The following CDKL1 variants were observed in gnomAD, a reference collection of about 807,000 sequenced individuals.
The protein encoded by CDKL1 is cyclin-dependent kinase-like 1.
A neutral mutation model predicts 42.0 loss-of-function variants in CDKL1; 41 were observed. The observed-to-expected ratio is 0.98, with a 90% CI of 0.76 to 1.27. The LOEUF (loss-of-function observed/expected upper bound fraction) is 1.27, where lower values mean the gene tolerates loss of function less well. CDKL1 is among the 50% of genes most tolerant of loss of function. The pLI, the probability that CDKL1 is intolerant of heterozygous loss-of-function variation, is 0.00. For missense variants in CDKL1, 394 were observed against 428.4 expected (o/e 0.92, Z 0.71); for synonymous variants, 153 against 158.6 (o/e 0.96, Z 0.26).
chr14:50,366,870 A>T (rs1259080333), intron 2 of CDKL1, among the ~76,000 whole-genome samples: 1 of 151,208 alleles, frequency 6.6e-6, no homozygotes, highest in Non-Finnish European at 1.5e-5. Context: ...AGAGAGGGGG[A>T]GTAAGACTGG....
chr14:50,397,123 A>C (rs771588423), upstream of CDKL1: 2 of 1,365,054 alleles, frequency 1.5e-6, no homozygotes, highest in South Asian at 2.3e-5. Flanking sequence ...CAGGCCGTGC[A>C]AAGCGCAGCT....
intron 2 of CDKL1, chr14:50,362,943 T>C (rs1170644963): frequency 2.2e-6 from 1 of 463,766 alleles, no homozygotes; most frequent in East Asian, 7.0e-5. Context: ...TTGCAATAAA[T>C]CTTGCTGCTG....
upstream of CDKL1, chr14:50,397,222 G>A (rs1487734218): frequency 1.5e-6 from 2 of 1,366,614 alleles, no homozygotes; most frequent in South Asian, 2.3e-5. Context: ...CCACACCTCA[G>A]AACCGCGGTT....
intron 2 of CDKL1, among the ~76,000 whole-genome samples, chr14:50,390,716 C>A (rs1454087867): frequency 6.6e-6 from 1 of 152,258 alleles, no homozygotes; most frequent in African/African-American, 2.4e-5. Flanking sequence ...TTGCCGGACA[C>A]ACAGATATTC....
At chr14:50,342,950 G>C in intron 4 of CDKL1, 4 of 1,357,784 alleles carry the variant, frequency 2.9e-6, no homozygotes, top group Non-Finnish European at 3.9e-6. Context: ...CCACACACAA[G>C]TGCTCTGAGA....
chr14:50,353,354 C>A (rs1275366157), intron 3 of CDKL1, among the ~76,000 whole-genome samples: 1 of 152,186 alleles, frequency 6.6e-6, no homozygotes, highest in Non-Finnish European at 1.5e-5. Context: ...GTATCCCTTT[C>A]CAGCATTCTC....
At chr14:50,332,566 C>A in intron 8 of CDKL1, 134 bp from the exon 9 acceptor site, 1 of 1,485,318 alleles carries the variant, frequency 6.7e-7, no homozygotes, top group South Asian at 1.3e-5. Context: ...ACACACCAGT[C>A]ATGATTTTAG....
chr14:50,341,764 G>C (rs950773550), intron 5 of CDKL1, among the ~76,000 whole-genome samples: 1 of 145,030 alleles, frequency 6.9e-6, no homozygotes, highest in East Asian at 2.1e-4. Context: ...CTGGGCAACA[G>C]AGTGAGACCC....
At chr14:50,387,259 T>C (rs561246387) in intron 2 of CDKL1, among the ~76,000 whole-genome samples, 48 of 150,400 alleles carry the variant, frequency 3.2e-4, no homozygotes, top group African/African-American at 5.6e-4. Context: ...CGGTGACTCA[T>C]GCCTGTAATC....
At chr14:50,360,685 G>A (rs1257642684) in intron 2 of CDKL1, among the ~76,000 whole-genome samples, 3 of 152,242 alleles carry the variant, frequency 2.0e-5, no homozygotes, top group Non-Finnish European at 2.9e-5. Context: ...GGAATTATAG[G>A]CTTGAGCCAT....
chr14:50,381,754 TTTTGTTTGTTTGTTTG>T (rs150473733), intron 2 of CDKL1, among the ~76,000 whole-genome samples: 17 of 151,016 alleles, frequency 1.1e-4, no homozygotes, highest in African/African-American at 3.4e-4. Flanking sequence ...CTGTGTGGTT[TTTTGTTTGTTTGTTTG>T]TTTGTTTGTT....
At chr14:50,387,447 T>C (rs2139537300) in intron 2 of CDKL1, among the ~76,000 whole-genome samples, 1 of 151,746 alleles carries the variant, frequency 6.6e-6, no homozygotes, top group African/African-American at 2.4e-5. Flanking sequence ...CGCTTGAGCC[T>C]GGGAGGCAGA....
intron 3 of CDKL1, among the ~76,000 whole-genome samples, chr14:50,356,121 A>G (rs893922012): frequency 6.6e-6 from 1 of 152,206 alleles, no homozygotes; most frequent in Non-Finnish European, 1.5e-5. Context: ...CCTGGCACCA[A>G]GCAGGCTGGT....
chr14:50,362,006 G>A (rs1363194959), intron 2 of CDKL1, among the ~76,000 whole-genome samples: 1 of 152,352 alleles, frequency 6.6e-6, no homozygotes, highest in East Asian at 1.9e-4. Flanking sequence ...GGGCTTGGGG[G>A]GCCCGGCACT....
chr14:50,327,916 C>A lies in CDKL1; in HGVS notation c.*2158G>T, dbSNP rs1257381629. The A allele has an allele frequency of 6.6e-6, 1 of 152,026 alleles. No homozygotes were observed. Among genetic ancestry groups the A allele is most frequent in the African/African-American group, 2.4e-5 (1 of 41,368 alleles). The allele number at this position is 152,026 out of a possible 1,614,324, so 9.4% of individuals were successfully genotyped here. A position where few individuals can be genotyped will look rare whatever the true frequency, so the allele number is the denominator to read the frequency against. On this transcript the variant is annotated 3_prime_UTR_variant, in exon 10 of 10. Transcript: ENST00000395834. Reference sequence around the variant, plus strand: ...TAATTGCCACTGTCATTTTAAAAATCAGAAAATAGTAAATAAAAGGATGTG... The same window carrying A: ...TAATTGCCACTGTCATTTTAAAAATAAGAAAATAGTAAATAAAAGGATGTG...
At chr14:50,391,124 C>T (rs1315446784) in intron 2 of CDKL1, among the ~76,000 whole-genome samples, 1 of 152,046 alleles carries the variant, frequency 6.6e-6, no homozygotes, top group Non-Finnish European at 1.5e-5. Flanking sequence ...TGAGCCACCA[C>T]ACCCAGCTCC....
chr14:50,377,636 A>C (rs1309933719), intron 2 of CDKL1: 3 of 1,280,244 alleles, frequency 2.3e-6, no homozygotes, highest in Non-Finnish European at 3.0e-6. Flanking sequence ...GCTGATGATA[A>C]GTGGGGTGGG....
At chr14:50,346,113 T>C (rs2033714752) in intron 3 of CDKL1, among the ~76,000 whole-genome samples, 1 of 152,002 alleles carries the variant, frequency 6.6e-6, no homozygotes, top group African/African-American at 2.4e-5. Context: ...AGTAGCTGTG[T>C]TAAGGGGACT....
rs751065181 is a variant in CDKL1 at position 50,332,198 on chromosome 14, C to T, written c.966+64G>A. The stretch of plus-strand genomic sequence containing the variant: ...TGGAGCTGAAAGCCACAACTGCCAT[C>T]CTCAAGTCTAGATTCCAACTCTCTG... On this transcript the variant is annotated intron_variant, in intron 9 of 9. Transcript: ENST00000395834. 6.8e-6 allele frequency: 11 copies of T among 1,614,028 alleles called. No individual in the cohort carries two copies. In the Admixed American group the frequency reaches 1.0e-4, roughly 15 times the overall value.
Sources: gnomAD v4.1 joint callset for allele counts (sites outside exome capture counted in the v4.1 genomes callset) on GRCh38, gnomAD v4.1.1 for gene constraint, MANE v1.5 for transcripts, NCBI Gene and HGNC (gene_info 2026-07-23, HGNC 2026-07-21) for gene names.